STPG2: variants seen among roughly 807,000 people sequenced by gnomAD.
STPG2 encodes the protein sperm tail PG-rich repeat containing 2.
STPG2 carries 56 observed loss-of-function variants against 54.2 expected under a neutral mutation model. The ratio of observed to expected loss-of-function variants is 1.03; its 90% CI spans 0.83 to 1.29. The LOEUF (loss-of-function observed/expected upper bound fraction) is 1.29, where lower values mean the gene tolerates loss of function less well. Among genes scored for constraint, STPG2 ranks in the 50% most tolerant of loss-of-function variants. STPG2 has a pLI of 0.00. For missense variants in STPG2, 596 were observed against 544.9 expected (o/e 1.09, Z -0.93); for synonymous variants, 200 against 181.8 (o/e 1.10, Z -0.81).
chr4:97,570,150 G>C (rs182202242), intron 10 of STPG2, among the ~76,000 whole-genome samples: 46 of 152,206 alleles, frequency 3.0e-4, no homozygotes, highest in African/African-American at 1.0e-3. Context: ...TGCAGTATAA[G>C]ATCCTGGATT....
At chr4:97,476,060 G>A (rs900206784) in intron 4 of STPG2, among the ~76,000 whole-genome samples, 1 of 152,176 alleles carries the variant, frequency 6.6e-6, no homozygotes, top group Admixed American at 6.6e-5. Flanking sequence ...TAGTGCTAAA[G>A]ACATGTGGGC....
intron 8 of STPG2, among the ~76,000 whole-genome samples, chr4:97,898,993 A>C (rs1194555124): frequency 1.3e-5 from 2 of 151,836 alleles, no homozygotes; most frequent in Non-Finnish European, 2.9e-5. Context: ...AGAGAAAAAA[A>C]TAAAGGGCAT....
chr4:97,712,795 A>T lies in STPG2; in HGVS notation c.1224T>A (p.Pro408=). The T allele has an allele frequency of 1.2e-6, 2 of 1,606,500 alleles. No homozygotes were observed. Among genetic ancestry groups the T allele is most frequent in the Non-Finnish European group, 1.7e-6 (2 of 1,175,630 alleles). ...TDGPGPAAYN[P]VLRKSCPIPL... is the part of the protein sequence containing the mutation. ...GTATGGGGCAAGATTTCCTTAAAAC[A>T]GGATTGTATGCTGCAGGACCTGAGA... Residue 408 remains proline, a synonymous_variant, in exon 10 of 11, where the codon CCT becomes CCA. Coordinates refer to ENST00000295268, the MANE Select transcript of STPG2 (RefSeq NM_174952.3).
At chr4:97,824,949 C>A (rs1182958104) in intron 9 of STPG2, among the ~76,000 whole-genome samples, 1 of 152,090 alleles carries the variant, frequency 6.6e-6, no homozygotes, top group Non-Finnish European at 1.5e-5. Context: ...CTGAGCATAT[C>A]GGAGGTTACC....
intron 10 of STPG2, chr4:97,633,345 T>C (rs1721362706): frequency 1.3e-5 from 2 of 152,128 alleles, no homozygotes; most frequent in African/African-American, 2.4e-5. Flanking sequence ...AAGAGAAAAT[T>C]ATATGTCCCT....
At chr4:97,636,569 G>T (rs1159730436) in intron 10 of STPG2, among the ~76,000 whole-genome samples, 8 of 149,420 alleles carry the variant, frequency 5.4e-5, no homozygotes, top group Admixed American at 1.3e-4. Context: ...TTTTTGAAAG[G>T]ATCAACAAAA....
chr4:98,123,805 T>C (rs1277107374), intron 3 of STPG2, among the ~76,000 whole-genome samples: 1 of 152,208 alleles, frequency 6.6e-6, no homozygotes, highest in African/African-American at 2.4e-5. Flanking sequence ...CCACTATTAT[T>C]GTGTGGGAAT....
intron 8 of STPG2, among the ~76,000 whole-genome samples, chr4:97,871,292 G>T (rs13142498): frequency 0.24 from 36,788 of 150,654 alleles, 5,259 homozygotes; most frequent in Middle Eastern, 0.35. Context: ...AAGAAAAAGG[G>T]CAGGAATTTT....
chr4:97,802,616 A>G (rs1231492046), intron 9 of STPG2, among the ~76,000 whole-genome samples: 1 of 151,932 alleles, frequency 6.6e-6, no homozygotes, highest in East Asian at 1.9e-4. Context: ...GATTACTGGC[A>G]CCCACCACCA....
intron 5 of STPG2, among the ~76,000 whole-genome samples, chr4:97,981,889 C>CT (rs577222820): frequency 0.12 from 17,092 of 139,354 alleles, 1,524 homozygotes; most frequent in African/African-American, 0.24. Flanking sequence ...ACTGTATAAT[C>CT]TTTTTTTTTT....
At chr4:98,093,290 G>A (rs1738746944) in intron 5 of STPG2, among the ~76,000 whole-genome samples, 1 of 151,932 alleles carries the variant, frequency 6.6e-6, no homozygotes, top group Admixed American at 6.5e-5. Flanking sequence ...TTTTTTAACA[G>A]GAATTCTCAG....
At chr4:97,843,235 C>A (rs1178639430) in intron 8 of STPG2, among the ~76,000 whole-genome samples, 1 of 151,210 alleles carries the variant, frequency 6.6e-6, no homozygotes, top group Non-Finnish European at 1.5e-5. Context: ...TATTTAAATC[C>A]TGTTCTTGCA....
At chr4:97,680,328 G>T (rs548416560) in intron 10 of STPG2, among the ~76,000 whole-genome samples, 1 of 151,412 alleles carries the variant, frequency 6.6e-6, no homozygotes, top group African/African-American at 2.4e-5. Flanking sequence ...AGTTCTCCTT[G>T]AAGAGGTCCT....
At chr4:97,815,427 A>G (rs1427119246) in intron 9 of STPG2, among the ~76,000 whole-genome samples, 1 of 152,144 alleles carries the variant, frequency 6.6e-6, no homozygotes, top group Non-Finnish European at 1.5e-5. Context: ...ATTTCCTTTG[A>G]GCGTCATTCA....
chr4:97,739,126 T>G (rs866021532), intron 9 of STPG2, among the ~76,000 whole-genome samples: 17 of 151,916 alleles, frequency 1.1e-4, no homozygotes, highest in South Asian at 2.1e-4. Context: ...GGGTACATAA[T>G]GAAATGAAGG....
intron 8 of STPG2, among the ~76,000 whole-genome samples, chr4:97,909,122 A>G (rs1233003047): frequency 6.6e-6 from 1 of 151,416 alleles, no homozygotes; most frequent in Non-Finnish European, 1.5e-5. Context: ...AAACAAAAAC[A>G]AAAACAAACA....
intron 9 of STPG2, among the ~76,000 whole-genome samples, chr4:97,783,135 G>A (rs1726705420): frequency 6.6e-6 from 1 of 152,174 alleles, no homozygotes; most frequent in South Asian, 2.1e-4. Context: ...CCATCAGAGT[G>A]AACAGGCAAC....
intron 8 of STPG2, among the ~76,000 whole-genome samples, chr4:97,921,828 A>G (rs909862030): frequency 1.3e-5 from 2 of 152,220 alleles, no homozygotes; most frequent in Non-Finnish European, 2.9e-5. Context: ...ATACAATGTA[A>G]TATTATTCAA....
intron 7 of STPG2, among the ~76,000 whole-genome samples, chr4:97,958,016 C>CA (rs1218721548): frequency 5.9e-5 from 9 of 151,782 alleles, no homozygotes; most frequent in Non-Finnish European, 1.0e-4. Flanking sequence ...CAACTAAAAA[C>CA]AAAAAACAAT....
Sources: allele counts gnomAD v4.1 joint callset (sites outside exome capture counted in the v4.1 genomes callset), GRCh38; gene constraint gnomAD v4.1.1; transcripts MANE v1.5; gene names NCBI Gene and HGNC (gene_info 2026-07-23, HGNC 2026-07-21).